Variants in ANHX observed in about 807,000 individuals in gnomAD.
ANHX encodes the protein anomalous homeobox.
Under a neutral mutation model 38.9 loss-of-function variants are expected in ANHX, and 20 were observed. The ratio of observed to expected loss-of-function variants is 0.51; its 90% confidence interval spans 0.36 to 0.75. The LOEUF (loss-of-function observed/expected upper bound fraction) is 0.75. Among genes scored for constraint, ANHX ranks in the 30% least tolerant of loss-of-function variants. The pLI, the probability that ANHX is intolerant of heterozygous loss-of-function variation, is 0.00. For missense variants in ANHX, 475 were observed against 493.1 expected, an observed-to-expected ratio of 0.96 and a Z score of 0.35; for synonymous variants, 185 against 203.1, an observed-to-expected ratio of 0.91 and a Z score of 0.76.
At position 133,226,360 on chromosome 12, in the gene ANHX, T is replaced by G; in HGVS notation, c.797A>C (p.Asp266Ala). The change falls in exon 6 of 10, where the codon GAC (aspartate) becomes GCC (alanine). Residue 266 changes from aspartate to alanine, a missense_variant. Physicochemically the swap from Asp to Ala is moderately radical, Grantham distance 126 (BLOSUM62 -2). Transcript: ENST00000545940. ...GPWEPLALAP[D>A]FPADETVSKP... ...TGAGACTGTCTCATCTGCGGGAAAG[T>G]CCGGGGCTAAGGCCAGTGGCTCCCA... 6.5e-7 allele frequency: 1 copy of G among 1,536,204 alleles called. No individual in the cohort carries two copies. The highest frequency in any genetic ancestry group is 8.7e-7 in the Non-Finnish European group (1 of 1,146,904).
intron 3 of ANHX, 115 bp downstream of exon 3, chr12:133,231,402 T>C (rs1432779509): frequency 1.4e-6 from 2 of 1,394,496 alleles, no homozygotes; most frequent in South Asian, 1.4e-5. Flanking sequence ...CGGCGGACAT[T>C]TCCTGTCCCT....
In ANHX at chr12:133,221,397, C is replaced by T; in HGVS notation, c.1133-45G>A. On this transcript the variant is annotated intron_variant, in intron 7 of 9. Transcript: ENST00000545940. This position sits in a 1 kb window ranked among gnomAD's most constrained non-coding sequence, Gnocchi z 4.1. ...ACGGCACACTGGCAGGAGAAAGGAG[C>T]AGAGCCCACGTGTGACACAACCAAG... 1 of 1,510,880 alleles carries T rather than the reference C, an allele frequency of 6.6e-7. No individual in the cohort carries two copies. Among genetic ancestry groups the T allele is most frequent in the South Asian group, 1.2e-5 (1 of 80,224 alleles). 93.6% of individuals were successfully genotyped at this position (1,510,880 alleles called of 1,614,324 possible).
chr12:133,232,555 G>C (rs935667265), intron 2 of ANHX, among the ~76,000 whole-genome samples: 25 of 152,216 alleles, frequency 1.6e-4, no homozygotes, highest in African/African-American at 5.1e-4. Context: ...GCCCTGACGT[G>C]GGGGCAGGAA....
chr12:133,228,700 G>C (rs566559781), intron 3 of ANHX, among the ~76,000 whole-genome samples: 1 of 152,194 alleles, frequency 6.6e-6, no homozygotes, highest in African/African-American at 2.4e-5. Flanking sequence ...GGCTCCAGCC[G>C]TGGCACCTGC....
In ANHX at chr12:133,231,579, C is replaced by G; in HGVS notation, c.315G>C (p.Leu105=). 2 of 1,536,106 alleles carry G rather than the reference C, an allele frequency of 1.3e-6. No individual in the cohort carries two copies. The highest frequency in any genetic ancestry group is 1.7e-6 in the Non-Finnish European group (2 of 1,146,908). ...VQLWNDIHYR[L]VMRRLGVAAL... ...CAGCCACGCCCAGCCTCCTCATGACCAGACGGTAGTGGATGTCGTTCCAGA... is the reference window on the plus strand; with the variant it reads ...CAGCCACGCCCAGCCTCCTCATGACGAGACGGTAGTGGATGTCGTTCCAGA... The change falls in exon 3 of 10, where the codon CTG becomes CTC. Residue 105 remains leucine (L), a synonymous_variant. Transcript: ENST00000545940.
chr12:133,227,892 T>C lies in ANHX; in HGVS notation c.433A>G (p.Arg145Gly), dbSNP rs1214492063. The C allele has an allele frequency of 7.5e-7, 1 of 1,328,832 alleles. No individual in the cohort carries two copies. Among genetic ancestry groups the C allele is most frequent in the South Asian group, 1.2e-5 (1 of 81,224 alleles). The allele number at this position is 1,328,832 out of a possible 1,614,324, so 82.3% of individuals were successfully genotyped here. Reference sequence around the variant, plus strand: ...TTGTGCAGCTTCTCACGAACCTCTCTGGGGAAGTTCCGGCTCTTCAGCCCC... The same window carrying C: ...TTGTGCAGCTTCTCACGAACCTCTCCGGGGAAGTTCCGGCTCTTCAGCCCC... ...PEGLKSRNFPREVREKLHNFA... is the reference protein window; with the variant it reads ...PEGLKSRNFPGEVREKLHNFA... Residue 145 changes from arginine (R) to glycine (G), a missense_variant, in exon 4 of 10, where the codon AGA (arginine) becomes GGA (glycine). Coordinates refer to ENST00000545940, the MANE Select transcript of ANHX (RefSeq NM_001372060.1).
At chr12:133,232,499 C>T (rs755200820) in intron 2 of ANHX, among the ~76,000 whole-genome samples, 6 of 152,176 alleles carry the variant, frequency 3.9e-5, no homozygotes, top group African/African-American at 7.2e-5. Context: ...CCCCACTCTC[C>T]TCTCAGCACG....
At position 133,232,191 on chromosome 12, in the gene ANHX, G is replaced by T. The variant is rs554757035; in HGVS notation, c.250-547C>A. On this transcript the variant is annotated intron_variant, in intron 2 of 9. Coordinates refer to ENST00000545940, the MANE Select transcript of ANHX (RefSeq NM_001372060.1). ...AGGTACTCGGCACAATCTAAGGTGA[G>T]GGGGATGAAGGGGTCCCTGTCTGTG... 1.7e-3 allele frequency among the ~76,000 whole-genome samples: 96 copies of T among 56,692 alleles called. 3 individuals are homozygous for T. In the Middle Eastern group the frequency reaches 0.041, roughly 24 times the overall value. 37.2% of individuals were successfully genotyped at this position (56,692 alleles called of 152,430 possible).
rs563072341 is a variant in ANHX at position 133,221,068 on chromosome 12, A to G, written c.1280+137T>C. ...TCTTCATAGGTGTAGGCTTGTGGGG[A>G]CTGTTACAGTTTTCAGCAATCCAAA... On this transcript the variant is annotated intron_variant, in intron 8 of 9. Coordinates refer to ENST00000545940, the MANE Select transcript of ANHX (RefSeq NM_001372060.1). This position sits in a 1 kb window ranked among gnomAD's most constrained non-coding sequence, Gnocchi z 4.1. 623 of 1,146,296 alleles carry G rather than the reference A, an allele frequency of 5.4e-4. 2 individuals are homozygous for G. Among genetic ancestry groups the G allele is most frequent in the Middle Eastern group, 2.7e-3 (12 of 4,518 alleles). The allele number at this position is 1,146,296 out of a possible 1,614,324, so 71.0% of individuals were successfully genotyped here. A position where few individuals can be genotyped will look rare whatever the true frequency, so the allele number is the denominator to read the frequency against.
At chr12:133,222,448 A>G (rs1386404163) in intron 7 of ANHX, among the ~76,000 whole-genome samples, 1 of 152,120 alleles carries the variant, frequency 6.6e-6, no homozygotes, top group Non-Finnish European at 1.5e-5. Flanking sequence ...GTTTCAATAG[A>G]CAGAACAAAG....
rs1362768085 is a variant in ANHX at position 133,234,135 on chromosome 12, C to T, written c.222G>A (p.Gln74=). 5.9e-6 allele frequency: 9 copies of T among 1,535,880 alleles called. No individual in the cohort carries two copies. In the South Asian group the frequency reaches 1.1e-4, roughly 18 times the overall value. The change falls in exon 2 of 10, where the codon CAG becomes CAA. Residue 74 remains glutamine (Q), a synonymous_variant. Coordinates refer to ENST00000545940, the MANE Select transcript of ANHX (RefSeq NM_001372060.1). ...CCAGGAGGCGGCAAGCCGCCTGCTG[C>T]TGCTCCTGCTGGTCCAGGACACGGG... ...ACARVLDQQE[Q]QQAACRLLEG...
chr12:133,228,187 C>T (rs1957216663), intron 3 of ANHX, among the ~76,000 whole-genome samples: 1 of 152,154 alleles, frequency 6.6e-6, no homozygotes, highest in Admixed American at 6.5e-5. Context: ...TGGGCCCTTG[C>T]AGTGCTCCTG....
Position 133,231,543 on chromosome 12 carries a change from C to T in ANHX, c.351G>A (p.Pro117=), listed in dbSNP as rs147259575. ...TCTTCCTGCAGCGGAACTTCTGCAC[C>T]GGGGTGAGCGCAGCCACGCCCAGCC... The part of the protein sequence containing the change: ...MRRLGVAALT[P]VQKFRCRKRN... The change falls in exon 3 of 10, where the codon CCG becomes CCA. Residue 117 remains proline (P), a synonymous_variant. Coordinates refer to ENST00000545940, the MANE Select transcript of ANHX (RefSeq NM_001372060.1). 0.2 allele frequency: 312,822 copies of T among 1,535,958 alleles called. 33,495 individuals are homozygous for T. The highest frequency in any genetic ancestry group is 0.25 in the Middle Eastern group (1,525 of 5,992).
chr12:133,228,334 G>A (rs1385018068), intron 3 of ANHX, among the ~76,000 whole-genome samples: 1 of 151,832 alleles, frequency 6.6e-6, no homozygotes, highest in Admixed American at 6.6e-5. Context: ...TGGAGCTCCC[G>A]TGGATGGCCC....
intron 1 of ANHX, 196 bp from the exon 2 acceptor site, chr12:133,234,574 C>T (rs866145222): frequency 4.8e-6 from 3 of 618,756 alleles, no homozygotes; most frequent in South Asian, 2.0e-5. Flanking sequence ...CCTTCTAATC[C>T]CCCAAATACT....
At position 133,234,843 on chromosome 12, in the gene ANHX, C is replaced by T. The variant is rs188367971; in HGVS notation, c.-22-465G>A. On this transcript the variant is annotated intron_variant, in intron 1 of 9. Transcript: ENST00000545940. The stretch of plus-strand genomic sequence containing the variant: ...GGTCCTGCATCCACACAGGAGGAAC[C>T]TTTACTTGTTCTAACGGTGCCTCAC... 950 of 162,948 alleles carry T rather than the reference C, an allele frequency of 5.8e-3. 7 individuals are homozygous for T. Among genetic ancestry groups the T allele is most frequent in the Admixed American group, 9.2e-3 (161 of 17,576 alleles). 10.1% of individuals were successfully genotyped at this position (162,948 alleles called of 1,614,324 possible). A position where few individuals can be genotyped will look rare whatever the true frequency, so the allele number is the denominator to read the frequency against.
chr12:133,232,891 A>G (rs1186336418), intron 2 of ANHX, among the ~76,000 whole-genome samples: 1 of 152,084 alleles, frequency 6.6e-6, no homozygotes, highest in Admixed American at 6.5e-5. Flanking sequence ...TGCCTCATGG[A>G]CCTTCAGTGT....
intron 3 of ANHX, among the ~76,000 whole-genome samples, chr12:133,229,897 C>T (rs1400842620): frequency 6.6e-6 from 1 of 152,158 alleles, no homozygotes; most frequent in East Asian, 1.9e-4. Flanking sequence ...TCCCATCTGC[C>T]CCTGAACACC....
chr12:133,234,513 C>T (rs1957335098), intron 1 of ANHX, 135 bp from the exon 2 acceptor site: 2 of 984,184 alleles, frequency 2.0e-6, no homozygotes, highest in Non-Finnish European at 2.9e-6. Context: ...GGAATAAGAC[C>T]TCACACATCC....
Sources: allele counts gnomAD v4.1 joint callset (sites outside exome capture counted in the v4.1 genomes callset), GRCh38; gene constraint gnomAD v4.1.1; non-coding constraint Gnocchi (gnomAD v3.1); transcripts MANE v1.5; gene names NCBI Gene and HGNC (gene_info 2026-07-23, HGNC 2026-07-21).